The following TSNARE1 variants were observed in gnomAD, a reference collection of about 807,000 sequenced individuals.
The protein encoded by TSNARE1 is t-SNARE domain-containing protein 1.
Under a neutral mutation model 62.0 loss-of-function variants are expected in TSNARE1, and 49 were observed. That is an observed-to-expected ratio of 0.79 (90% CI 0.63 to 1.00). The LOEUF is 1.00. Among genes scored for constraint, TSNARE1 ranks in the 50% least tolerant of loss-of-function variants. The pLI, the probability that TSNARE1 is intolerant of heterozygous loss-of-function variation, is 0.00. For missense variants in TSNARE1, 755 were observed against 700.1 expected (o/e 1.08, Z -0.88); for synonymous variants, 328 against 294.4 (o/e 1.11, Z -1.17).
At chr8:142,382,890 G>T (rs980647072) in intron 1 of TSNARE1, among the ~76,000 whole-genome samples, 2 of 152,228 alleles carry the variant, frequency 1.3e-5, no homozygotes, top group African/African-American at 2.4e-5. Flanking sequence ...CTCGTCCAGG[G>T]TGGAGGCAGC....
chr8:142,324,090 G>A (rs1207173862), intron 6 of TSNARE1, among the ~76,000 whole-genome samples: 1 of 152,226 alleles, frequency 6.6e-6, no homozygotes, highest in Non-Finnish European at 1.5e-5. Context: ...ATTCAATGTG[G>A]GATACAGATG....
intron 1 of TSNARE1, among the ~76,000 whole-genome samples, chr8:142,380,944 C>G (rs945355290): frequency 2.6e-5 from 4 of 152,210 alleles, no homozygotes; most frequent in Non-Finnish European, 5.9e-5. Flanking sequence ...GCCCTCACCC[C>G]CCACACACAC....
At chr8:142,355,154 G>A (rs1563978220) in intron 1 of TSNARE1, among the ~76,000 whole-genome samples, 1 of 152,238 alleles carries the variant, frequency 6.6e-6, no homozygotes, top group Non-Finnish European at 1.5e-5. Flanking sequence ...TCCACTGCAT[G>A]TGAGTCAGGC....
chr8:142,255,353 GCACCAT>G (rs879493514), intron 12 of TSNARE1, among the ~76,000 whole-genome samples: 2 of 127,358 alleles, frequency 1.6e-5, no homozygotes, highest in South Asian at 5.5e-4. Flanking sequence ...CACCACCACA[GCACCAT>G]CACCATCACC....
chr8:142,287,543 G>C (rs1312267885), intron 10 of TSNARE1, among the ~76,000 whole-genome samples: 4 of 115,062 alleles, frequency 3.5e-5, no homozygotes, highest in Admixed American at 9.9e-5. Context: ...GGATGGTGGG[G>C]CTCCCTCCAG....
intron 12 of TSNARE1, among the ~76,000 whole-genome samples, chr8:142,258,481 T>A (rs1426763234): frequency 1.2e-5 from 1 of 82,234 alleles, no homozygotes; most frequent in Non-Finnish European, 2.1e-5. Flanking sequence ...CTTGTGCTTT[T>A]TTTTTTTTTT....
rs777201948 is a variant in TSNARE1, at chr8:142,344,221, A to G, written c.490T>C (p.Trp164Arg). The change falls in exon 4 of 14, where the codon TGG becomes CGG. Residue 164 changes from tryptophan to arginine, a missense_variant. Trp to Arg is a moderately radical substitution (Grantham distance 101). Transcript: ENST00000524325. ...TTCACGGCCTGCAGGATGCGGCTCC[A>G]CACGCGGTACCTGCGAGTGGGCTCG... ...KAEPTRRYRV[W>R]SRILQAVNAL... 6.2e-7 allele frequency: 1 copy of G among 1,613,506 alleles called. No homozygotes were observed. Among genetic ancestry groups the G allele is most frequent in the South Asian group, 1.1e-5 (1 of 91,064 alleles).
At chr8:142,393,692 C>G (rs1837704464) in intron 1 of TSNARE1, among the ~76,000 whole-genome samples, 1 of 152,230 alleles carries the variant, frequency 6.6e-6, no homozygotes. Flanking sequence ...GAGCAGAGGC[C>G]TAGAGGGAGG....
chr8:142,315,052 A>G lies in TSNARE1; in HGVS notation c.1025T>C (p.Leu342Pro), dbSNP rs762477117. ...AATGGCATCTGAGAGCTGGGTTTTC[A>G]GCCGGTCCAGCTGAGGACGCTCCTG... is the stretch of plus-strand genomic sequence containing the variant. ...LQQERPQLDR[L>P]KTQLSDAIQC... The change falls in exon 8 of 14, where the codon CTG (leucine) becomes CCG (proline). Residue 342 changes from leucine (L) to proline (P), a missense_variant. By Grantham distance (98) the Leu-to-Pro change is moderately conservative. Coordinates refer to ENST00000524325, the MANE Select transcript of TSNARE1 (RefSeq NM_145003.5). The G allele has an allele frequency of 1.9e-6, 3 of 1,614,148 alleles. No individual in the cohort carries two copies. The highest frequency in any genetic ancestry group is 1.7e-6 in the Non-Finnish European group (2 of 1,180,032).
chr8:142,239,285 G>A (rs952283892), intron 12 of TSNARE1, among the ~76,000 whole-genome samples: 15 of 152,186 alleles, frequency 9.9e-5, no homozygotes, highest in South Asian at 2.1e-4. Flanking sequence ...GAAGGTGGCC[G>A]GGGGCAGCCA....
chr8:142,276,457 GA>G (rs1458990879), intron 11 of TSNARE1: 1 of 985,464 alleles, frequency 1.0e-6, no homozygotes, highest in African/African-American at 1.7e-5. Context: ...ACGTGCAAAG[GA>G]GCCACCTTAC....
chr8:142,333,058 A>C (rs1831278008), intron 4 of TSNARE1, among the ~76,000 whole-genome samples: 1 of 152,236 alleles, frequency 6.6e-6, no homozygotes, highest in Non-Finnish European at 1.5e-5. Context: ...GAGAACGACC[A>C]AGGCAATCCC....
At chr8:142,367,775 A>T (rs1371031796) in intron 1 of TSNARE1, among the ~76,000 whole-genome samples, 2 of 152,224 alleles carry the variant, frequency 1.3e-5, no homozygotes, top group African/African-American at 4.8e-5. Context: ...TGAGGAAGAA[A>T]GTCTAAAAAT....
intron 4 of TSNARE1, among the ~76,000 whole-genome samples, chr8:142,338,853 G>A (rs565512141): frequency 6.6e-6 from 1 of 152,318 alleles, no homozygotes; most frequent in African/African-American, 2.4e-5. Context: ...CATATGCAGT[G>A]GCCCCAGGGA....
In TSNARE1 at chr8:142,344,144, C is replaced by T. The variant is rs1365531079; in HGVS notation, c.567G>A (p.Arg189=). Residue 189 remains arginine, a synonymous_variant, in exon 4 of 14, where the codon CGG becomes CGA. Coordinates refer to ENST00000524325, the MANE Select transcript of TSNARE1 (RefSeq NM_145003.5). ...TGCGCCGCACGACGGCTCGTAGGTC[C>T]CGCCACTTGTGCTTCAGGTCCACAA... is the stretch of plus-strand genomic sequence containing the variant. ...RDVVDLKHKW[R]DLRAVVRRKL... 6.2e-7 allele frequency: 1 copy of T among 1,613,022 alleles called. No homozygotes were observed. The highest frequency in any genetic ancestry group is 1.1e-5 in the South Asian group (1 of 91,052).
At chr8:142,220,181 C>T (rs186233092) in intron 13 of TSNARE1, among the ~76,000 whole-genome samples, 43 of 152,356 alleles carry the variant, frequency 2.8e-4, no homozygotes, top group African/African-American at 9.4e-4. Context: ...AGGCTAGACA[C>T]CGGGTGGGCT....
rs772190589 is a variant in TSNARE1 at position 142,345,763 on chromosome 8, A to T, written c.218T>A (p.Val73Asp). 52 of 1,611,890 alleles carry T rather than the reference A, an allele frequency of 3.2e-5. No homozygotes were observed. The highest frequency in any genetic ancestry group is 1.5e-5 in the Non-Finnish European group (18 of 1,178,958). ...GDLGPAGTPI[V>D]PRARKRGPGV... ...AGTACCTCGCTTCCTGGCCCTTGGG[A>T]CAATAGGCGTGCCTGCTGGCCCCAG... is the stretch of plus-strand genomic sequence containing the variant. The change falls in exon 3 of 14, where the codon GTC becomes GAC. Residue 73 changes from valine (V) to aspartate (D), a missense_variant. Transcript: ENST00000524325.
intron 12 of TSNARE1, among the ~76,000 whole-genome samples, chr8:142,234,510 C>T (rs1273134481): frequency 6.6e-6 from 1 of 152,070 alleles, no homozygotes; most frequent in Non-Finnish European, 1.5e-5. Context: ...ATGACCCCAA[C>T]CATGGGTTCA....
At chr8:142,392,595 T>C (rs1324805407) in intron 1 of TSNARE1, among the ~76,000 whole-genome samples, 2 of 152,138 alleles carry the variant, frequency 1.3e-5, no homozygotes, top group African/African-American at 4.8e-5. Context: ...GTCTATGCCA[T>C]CCATCATTGA....
Sources: allele counts gnomAD v4.1 joint callset (sites outside exome capture counted in the v4.1 genomes callset), GRCh38; gene constraint gnomAD v4.1.1; transcripts MANE v1.5; gene names NCBI Gene and HGNC (gene_info 2026-07-23, HGNC 2026-07-21).